Variants in RGS17 observed in about 807,000 individuals in gnomAD.
RGS17 encodes the protein regulator of G-protein signaling 17.
In RGS17, 12 loss-of-function variants were observed where a neutral mutation model predicts 25.5. That is an observed-to-expected ratio of 0.47 (90% CI 0.30 to 0.76). The LOEUF is 0.76. Ranked by LOEUF, RGS17 falls within the 30% of genes least tolerant of loss-of-function variation. RGS17 has a pLI of 0.07. For missense variants in RGS17, 196 were observed against 242.2 expected (o/e 0.81, Z 1.27); for synonymous variants, 71 against 76.9 (o/e 0.92, Z 0.40).
intron 1 of RGS17, among the ~76,000 whole-genome samples, chr6:153,124,565 A>G (rs1777679020): frequency 6.6e-6 from 1 of 152,248 alleles, no homozygotes; most frequent in Non-Finnish European, 1.5e-5. Context: ...TTTTATAGAC[A>G]TAATTTCTTT....
At chr6:153,077,400 A>G (rs1776899252) in intron 1 of RGS17, among the ~76,000 whole-genome samples, 2 of 152,300 alleles carry the variant, frequency 1.3e-5, no homozygotes, top group Admixed American at 6.5e-5. Flanking sequence ...TGGATATTAG[A>G]TGAGACTATA....
intron 1 of RGS17, among the ~76,000 whole-genome samples, chr6:153,095,753 A>G (rs1777199499): frequency 6.6e-6 from 1 of 152,188 alleles, no homozygotes; most frequent in Non-Finnish European, 1.5e-5. Flanking sequence ...AAATCTCTGT[A>G]TGGGAAGGCA....
At chr6:153,057,114 G>T (rs1562322547) in intron 1 of RGS17, among the ~76,000 whole-genome samples, 1 of 151,842 alleles carries the variant, frequency 6.6e-6, no homozygotes, top group African/African-American at 2.4e-5. Context: ...AATTAAGTCT[G>T]AATGACCTGC....
rs1562309763 is a variant in RGS17 at position 153,006,359 on chromosome 6, A to C, written c.*5215T>G. On this transcript the variant is annotated 3_prime_UTR_variant, in exon 5 of 5. Coordinates refer to ENST00000206262, the MANE Select transcript of RGS17 (RefSeq NM_012419.5). ...TATTTCCTTTGGAAATAAAACTTTC[A>C]AATGATTGATCTTATTTAAACTTTA... 6.6e-6 allele frequency: 1 copy of C among 152,592 alleles called. No homozygotes were observed. The highest frequency in any genetic ancestry group is 6.5e-5 in the Admixed American group (1 of 15,276). The allele number at this position is 152,592 out of a possible 1,614,324, so 9.5% of individuals were successfully genotyped here.
chr6:153,078,747 T>C lies in RGS17; in HGVS notation c.-25-34704A>G, dbSNP rs553447040. Among the ~76,000 whole-genome samples the C allele has an allele frequency of 4.6e-5, 7 of 152,208 alleles. No individual in the cohort carries two copies. The East Asian group carries it at 7.7e-4, about 17-fold the overall frequency. On this transcript the variant is annotated intron_variant, in intron 1 of 4. Coordinates refer to ENST00000206262, the MANE Select transcript of RGS17 (RefSeq NM_012419.5). ...TAAATGAAAACAATGTCAGGCGCTTTTGGTAAATGGCATTACATACTGTAA... is the reference window on the plus strand; with the variant it reads ...TAAATGAAAACAATGTCAGGCGCTTCTGGTAAATGGCATTACATACTGTAA...
At chr6:153,104,841 A>T (rs1268973406) in intron 1 of RGS17, among the ~76,000 whole-genome samples, 1 of 152,002 alleles carries the variant, frequency 6.6e-6, no homozygotes, top group Non-Finnish European at 1.5e-5. Context: ...AAAAAAAGAA[A>T]AGAAAAGGAA....
chr6:153,113,640 C>A (rs930746614), intron 1 of RGS17, among the ~76,000 whole-genome samples: 5 of 152,140 alleles, frequency 3.3e-5, no homozygotes, highest in Non-Finnish European at 1.5e-5. Context: ...CTTCTTAGCA[C>A]CACATTGCAC....
intron 1 of RGS17, among the ~76,000 whole-genome samples, chr6:153,083,629 A>C (rs1777012524): frequency 6.6e-6 from 1 of 152,208 alleles, no homozygotes. Flanking sequence ...AAAGGGAAAC[A>C]AACAAGAAAC....
intron 1 of RGS17, among the ~76,000 whole-genome samples, chr6:153,063,116 C>A (rs745606122): frequency 6.6e-6 from 1 of 152,128 alleles, no homozygotes; most frequent in Non-Finnish European, 1.5e-5. Context: ...GGAGCCCAGG[C>A]AGTGACGACT....
At chr6:153,103,907 A>T (rs1024069684) in intron 1 of RGS17, among the ~76,000 whole-genome samples, 1 of 152,234 alleles carries the variant, frequency 6.6e-6, no homozygotes, top group Non-Finnish European at 1.5e-5. Context: ...ATTACCATCC[A>T]GCTTCACATA....
chr6:153,071,026 TGTATATATAC>T (rs773509725), intron 1 of RGS17, among the ~76,000 whole-genome samples: 13 of 148,188 alleles, frequency 8.8e-5, no homozygotes, highest in Non-Finnish European at 1.8e-4. Context: ...TATGTGTATA[TGTATATATAC>T]GTATATGTAC....
At position 153,044,068 on chromosome 6, in the gene RGS17, G is replaced by C. The variant is rs200691870; in HGVS notation, c.-25-25C>G. ...GCTGAAAGAGATAAAACAAAAAATT[G>C]GGTATGAAAAAAGCAATAAGGATAA... On this transcript the variant is annotated intron_variant, in intron 1 of 4. Transcript: ENST00000206262. 5.1e-6 allele frequency: 6 copies of C among 1,183,332 alleles called. No individual in the cohort carries two copies. The Admixed American group carries it at 1.0e-4, about 21-fold the overall frequency. The allele number at this position is 1,183,332 out of a possible 1,614,324, so 73.3% of individuals were successfully genotyped here.
At chr6:153,037,223 G>GA (rs1776260123) in intron 2 of RGS17, among the ~76,000 whole-genome samples, 1 of 149,050 alleles carries the variant, frequency 6.7e-6, no homozygotes, top group Non-Finnish European at 1.5e-5. Flanking sequence ...CACACACACA[G>GA]GAGCATGAAG....
At chr6:153,028,708 A>G (rs1779329806) in intron 2 of RGS17, among the ~76,000 whole-genome samples, 2 of 152,188 alleles carry the variant, frequency 1.3e-5, no homozygotes, top group Admixed American at 1.3e-4. Flanking sequence ...GGAAATTGAT[A>G]CTCATTCTGT....
chr6:153,028,700 A>G (rs1230559465), intron 2 of RGS17, among the ~76,000 whole-genome samples: 1 of 152,222 alleles, frequency 6.6e-6, no homozygotes, highest in African/African-American at 2.4e-5. Flanking sequence ...TTAAAATAGG[A>G]AATTGATACT....
At chr6:153,022,496 T>C (rs993150428) in intron 4 of RGS17, among the ~76,000 whole-genome samples, 1 of 152,152 alleles carries the variant, frequency 6.6e-6, no homozygotes, top group African/African-American at 2.4e-5. Context: ...AATGGAACAG[T>C]CATCATTTTA....
intron 2 of RGS17, among the ~76,000 whole-genome samples, chr6:153,027,265 G>A (rs904707342): frequency 6.6e-6 from 1 of 152,100 alleles, no homozygotes; most frequent in Non-Finnish European, 1.5e-5. Context: ...GAAGGTTTTA[G>A]TAGCCCAGAA....
At chr6:153,049,751 A>AAAAT (rs71773340) in intron 1 of RGS17, among the ~76,000 whole-genome samples, 182 of 150,464 alleles carry the variant, frequency 1.2e-3, no homozygotes, top group Non-Finnish European at 1.7e-3. Context: ...ACTCCTTCTC[A>AAAAT]AAATAAATAA....
chr6:153,081,752 T>C (rs1776985051), intron 1 of RGS17, among the ~76,000 whole-genome samples: 1 of 152,178 alleles, frequency 6.6e-6, no homozygotes, highest in Non-Finnish European at 1.5e-5. Context: ...TTACTCTTTT[T>C]GTTTTAACCA....
Sources: gnomAD v4.1 joint callset for allele counts (sites outside exome capture counted in the v4.1 genomes callset) on GRCh38, gnomAD v4.1.1 for gene constraint, MANE v1.5 for transcripts, NCBI Gene and HGNC (gene_info 2026-07-23, HGNC 2026-07-21) for gene names.